Variants in ARK2N observed in about 807,000 individuals in gnomAD.
ARK2N encodes the protein protein ARK2N.
the ARK2N span, among the ~76,000 whole-genome samples, chr18:46,190,474 G>A: frequency 8.6e-6 from 1 of 116,640 alleles, no homozygotes; most frequent in African/African-American, 3.1e-5. Context: ...GGCAACAAGA[G>A]CGAAACTCTG....
At chr18:46,217,847 A>G in the ARK2N span, 6 of 152,158 alleles carry the variant, frequency 3.9e-5, no homozygotes, top group South Asian at 4.1e-4. Context: ...GGGGATTTCA[A>G]TGAAGCTCAT....
the ARK2N span, chr18:46,265,293 T>A: frequency 6.5e-6 from 1 of 152,692 alleles, no homozygotes; most frequent in East Asian, 1.9e-4. Context: ...TTTTAATGAA[T>A]GTTTTTGCAT....
the ARK2N span, among the ~76,000 whole-genome samples, chr18:46,254,926 C>T: frequency 1.5e-5 from 2 of 129,346 alleles, no homozygotes; most frequent in African/African-American, 2.9e-5. Context: ...AAAATTTAGA[C>T]TTTAGAACTT....
the ARK2N span, among the ~76,000 whole-genome samples, chr18:46,224,925 A>G: frequency 1.3e-5 from 2 of 152,204 alleles, no homozygotes; most frequent in African/African-American, 4.8e-5. Flanking sequence ...CAGTGTCTTT[A>G]AAGGTGCCTT....
At chr18:46,182,201 T>C in the ARK2N span, among the ~76,000 whole-genome samples, 1 of 152,214 alleles carries the variant, frequency 6.6e-6, no homozygotes, top group African/African-American at 2.4e-5. Flanking sequence ...GCCTTAGTTT[T>C]AACCTAGCAT....
chr18:46,235,958 G>A, the ARK2N span, among the ~76,000 whole-genome samples: 1 of 152,170 alleles, frequency 6.6e-6, no homozygotes, highest in Non-Finnish European at 1.5e-5. Flanking sequence ...AACGAAGAAG[G>A]CTTAAGGTCA....
the ARK2N span, among the ~76,000 whole-genome samples, chr18:46,262,090 G>T: frequency 6.6e-6 from 1 of 152,176 alleles, no homozygotes; most frequent in East Asian, 1.9e-4. Flanking sequence ...TAGATGAGAG[G>T]ACATAGCATT....
the ARK2N span, chr18:46,240,122 G>A: frequency 6.2e-7 from 1 of 1,614,178 alleles, no homozygotes; most frequent in Non-Finnish European, 8.5e-7. Flanking sequence ...AATTCTGTAG[G>A]CGGCCAGGAC....
At chr18:46,233,033 T>C in the ARK2N span, 2 of 152,174 alleles carry the variant, frequency 1.3e-5, no homozygotes, top group East Asian at 3.9e-4. Context: ...TTTTCTGTAA[T>C]GAAATAAATG....
chr18:46,200,369 G>T, the ARK2N span, among the ~76,000 whole-genome samples: 2 of 151,826 alleles, frequency 1.3e-5, no homozygotes, highest in Non-Finnish European at 2.9e-5. Flanking sequence ...GCGCAGTGGC[G>T]CAATCTTGGC....
At chr18:46,208,002 C>G in the ARK2N span, among the ~76,000 whole-genome samples, 1 of 152,194 alleles carries the variant, frequency 6.6e-6, no homozygotes. Flanking sequence ...TTGGGCAAAA[C>G]TAAAATTCTG....
the ARK2N span, among the ~76,000 whole-genome samples, chr18:46,208,464 CTTTTTTTTTT>C: frequency 2.9e-5 from 2 of 68,364 alleles, no homozygotes; most frequent in Non-Finnish European, 5.6e-5. Flanking sequence ...GTTCTTAAAT[CTTTTTTTTTT>C]TTTTTTTTTT....
At chr18:46,255,743 G>A in the ARK2N span, among the ~76,000 whole-genome samples, 7 of 151,478 alleles carry the variant, frequency 4.6e-5, no homozygotes, top group Admixed American at 2.0e-4. Flanking sequence ...GAGCCACCGC[G>A]CTTGGCCTCT....
the ARK2N span, chr18:46,216,240 A>G: frequency 6.2e-7 from 1 of 1,613,858 alleles, no homozygotes; most frequent in African/African-American, 1.3e-5. The surrounding 1 kb of genome is among the most constrained non-coding windows in gnomAD (Gnocchi z 4.3). Context: ...CCTCTCAGGC[A>G]GAAACGGCGG....
the ARK2N span, among the ~76,000 whole-genome samples, chr18:46,198,691 C>A: frequency 6.6e-6 from 1 of 151,958 alleles, no homozygotes; most frequent in African/African-American, 2.4e-5. Context: ...CTCCACCTCC[C>A]GGGTTCAAGT....
chr18:46,245,590 A>G, the ARK2N span, among the ~76,000 whole-genome samples: 4 of 148,126 alleles, frequency 2.7e-5, no homozygotes, highest in Non-Finnish European at 6.0e-5. Context: ...AAAAAAAAAG[A>G]AAGAAAAAAA....
At chr18:46,226,636 TA>T in the ARK2N span, among the ~76,000 whole-genome samples, 1 of 152,158 alleles carries the variant, frequency 6.6e-6, no homozygotes. Context: ...TGCAACATGA[TA>T]GATGTTTTTA....
chr18:46,245,900 C>T, the ARK2N span, among the ~76,000 whole-genome samples: 9 of 152,052 alleles, frequency 5.9e-5, no homozygotes, highest in Admixed American at 3.3e-4. Context: ...TTTTCTTACC[C>T]TTTCTTGTTG....
the ARK2N span, among the ~76,000 whole-genome samples, chr18:46,249,983 A>G: frequency 6.6e-6 from 1 of 151,942 alleles, no homozygotes; most frequent in South Asian, 2.1e-4. Flanking sequence ...CACCACGTCT[A>G]ATTCCCCGCC....
Sources: gnomAD v4.1 joint callset for allele counts (sites outside exome capture counted in the v4.1 genomes callset) on GRCh38, gnomAD v4.1.1 for gene constraint, Gnocchi (gnomAD v3.1) non-coding constraint, MANE v1.5 for transcripts, NCBI Gene and HGNC (gene_info 2026-07-23, HGNC 2026-07-21) for gene names.